The following CYP26B1 variants were observed in gnomAD, a reference collection of about 807,000 sequenced individuals.
CYP26B1 encodes the protein cytochrome P450 family 26 subfamily B member 1, also known as cytochrome P450 26B1.
Under a neutral mutation model 39.1 loss-of-function variants are expected in CYP26B1, and 8 were observed. The ratio of observed to expected loss-of-function variants is 0.20; its 90% CI spans 0.12 to 0.37. The LOEUF (loss-of-function observed/expected upper bound fraction) is 0.37. Among genes scored for constraint, CYP26B1 ranks in the 10% least tolerant of loss-of-function variants. The pLI, the probability that CYP26B1 is intolerant of heterozygous loss-of-function variation, is 1.00. For missense variants in CYP26B1, 615 were observed against 707.0 expected (o/e 0.87, Z 1.48); for synonymous variants, 321 against 314.3 (o/e 1.02, Z -0.23).
intron 2 of CYP26B1, among the ~76,000 whole-genome samples, chr2:72,138,773 G>T (rs116048327): frequency 2.0e-5 from 3 of 152,086 alleles, no homozygotes; most frequent in Admixed American, 1.3e-4. Flanking sequence ...CGCCTTAAGG[G>T]ATGGCCTTGG....
chr2:72,144,490 C>G lies in CYP26B1; in HGVS notation c.205-277G>C, dbSNP rs1022867319. On this transcript the variant is annotated intron_variant, in intron 1 of 5. Coordinates refer to ENST00000001146, the MANE Select transcript of CYP26B1 (RefSeq NM_019885.4). Reference sequence around the variant, plus strand: ...GACTTTCGAGAGGAAAGAGGTATCCCGGACAGCTGGACCCGAAGCGGGAGT... The same window carrying G: ...GACTTTCGAGAGGAAAGAGGTATCCGGGACAGCTGGACCCGAAGCGGGAGT... 10 of 1,226,544 alleles carry G rather than the reference C, an allele frequency of 8.2e-6. No homozygotes were observed. In the South Asian group the frequency reaches 9.9e-5, roughly 12 times the overall value. The allele number at this position is 1,226,544 out of a possible 1,614,324, so 76.0% of individuals were successfully genotyped here.
intron 2 of CYP26B1, among the ~76,000 whole-genome samples, chr2:72,143,371 CG>C (rs575862508): frequency 5.9e-4 from 84 of 143,390 alleles, no homozygotes; most frequent in East Asian, 1.2e-3. Context: ...CTTCCTCTTT[CG>C]GGGGGGGGTG....
At chr2:72,138,730 C>G (rs3754530) in intron 2 of CYP26B1, among the ~76,000 whole-genome samples, 2 of 152,164 alleles carry the variant, frequency 1.3e-5, no homozygotes, top group East Asian at 3.9e-4. Flanking sequence ...CTGCTGCAGC[C>G]CCAGAGGCTC....
intron 2 of CYP26B1, among the ~76,000 whole-genome samples, chr2:72,143,379 G>A (rs1005078306): frequency 5.3e-5 from 8 of 151,958 alleles, no homozygotes; most frequent in Non-Finnish European, 1.2e-4. Flanking sequence ...TTCGGGGGGG[G>A]GTGGGTGCGC....
chr2:72,143,148 A>G (rs1676995362), intron 2 of CYP26B1: 1 of 163,864 alleles, frequency 6.1e-6, no homozygotes, highest in South Asian at 2.1e-4. Flanking sequence ...CCCAGTGGAA[A>G]AAAATGGAGT....
Position 72,147,504 on chromosome 2 carries a change from A to G in CYP26B1, c.204+127T>C. ...AGCCCGGGCTGCTGCGGCAGAGAGG[A>G]GGGAAGGGGCGGGGCGGGGACCAGT... On this transcript the variant is annotated intron_variant, in intron 1 of 5. Transcript: ENST00000001146. This position sits in a 1 kb window ranked among gnomAD's most constrained non-coding sequence, Gnocchi z 6.1. The G allele has an allele frequency of 1.1e-6, 1 of 947,788 alleles. No homozygotes were observed. Among genetic ancestry groups the G allele is most frequent in the South Asian group, 2.0e-5 (1 of 49,270 alleles). The allele number at this position is 947,788 out of a possible 1,614,324, so 58.7% of individuals were successfully genotyped here. A position where few individuals can be genotyped will look rare whatever the true frequency, so the allele number is the denominator to read the frequency against.
intron 2 of CYP26B1, among the ~76,000 whole-genome samples, chr2:72,141,366 C>T (rs1266036358): frequency 2.0e-5 from 3 of 152,194 alleles, no homozygotes; most frequent in Non-Finnish European, 2.9e-5. Context: ...CCCAGGACCA[C>T]CAGGGCAGCC....
At chr2:72,143,371 C>CGTGG in intron 2 of CYP26B1, among the ~76,000 whole-genome samples, 1 of 143,468 alleles carries the variant, frequency 7.0e-6, no homozygotes, top group African/African-American at 2.8e-5. Flanking sequence ...CTTCCTCTTT[C>CGTGG]GGGGGGGGGT....
intron 4 of CYP26B1, among the ~76,000 whole-genome samples, chr2:72,134,557 G>A (rs947282176): frequency 2.6e-5 from 4 of 152,186 alleles, no homozygotes; most frequent in African/African-American, 9.7e-5. Context: ...GGAGAGAAGG[G>A]AGGGTGCCCC....
At position 72,129,439 on chromosome 2, in the gene CYP26B1, G is replaced by A. The variant is rs184521564; in HGVS notation, c.*2788C>T. On this transcript the variant is annotated 3_prime_UTR_variant, in exon 6 of 6. Transcript: ENST00000001146. ...ACAAGTGCTTTTTCAATATTAAAAC[G>A]ACTGTGATAAAAACATATTAATATT... The A allele has an allele frequency of 6.6e-6, 1 of 152,602 alleles. No homozygotes were observed. Among genetic ancestry groups the A allele is most frequent in the Admixed American group, 6.5e-5 (1 of 15,298 alleles). The allele number at this position is 152,602 out of a possible 1,614,324, so 9.5% of individuals were successfully genotyped here.
At chr2:72,134,937 A>G (rs769492293) in intron 3 of CYP26B1, 21 bp from the exon 4 acceptor site, 25 of 1,612,482 alleles carry the variant, frequency 1.6e-5, no homozygotes, top group Admixed American at 1.0e-4. Context: ...GAGGGCTGTC[A>G]CTCATATGGA....
Position 72,132,635 on chromosome 2 carries a change from G to T in CYP26B1, c.1147-16C>A. ...TCTGGAAACCCTGGAGCAAGATGGG[G>T]GCCGAGGAGTGGGTGGTGAGAGCCA... is the stretch of plus-strand genomic sequence containing the variant. On this transcript the variant is annotated splice_polypyrimidine_tract_variant and intron_variant, in intron 5 of 5. Coordinates refer to ENST00000001146, the MANE Select transcript of CYP26B1 (RefSeq NM_019885.4). The T allele has an allele frequency of 1.3e-6, 2 of 1,586,288 alleles. No individual in the cohort carries two copies. The highest frequency in any genetic ancestry group is 1.1e-5 in the South Asian group (1 of 87,498).
chr2:72,147,562 C>A lies in CYP26B1; in HGVS notation c.204+69G>T. On this transcript the variant is annotated intron_variant, in intron 1 of 5. Transcript: ENST00000001146. This position sits in a 1 kb window ranked among gnomAD's most constrained non-coding sequence, Gnocchi z 6.1. ...GGCTCCCGGCGCCCCCTGGCCGGCC[C>A]GCCGCTCCGTCTGCCCCGCGCTCGC... 6.8e-7 allele frequency: 1 copy of A among 1,471,786 alleles called. No individual in the cohort carries two copies. Among genetic ancestry groups the A allele is most frequent in the South Asian group, 1.3e-5 (1 of 77,294 alleles). The allele number at this position is 1,471,786 out of a possible 1,614,324, so 91.2% of individuals were successfully genotyped here.
Position 72,129,397 on chromosome 2 carries a change from A to G in CYP26B1, c.*2830T>C, listed in dbSNP as rs780060238. 5 of 152,680 alleles carry G rather than the reference A, an allele frequency of 3.3e-5. No individual in the cohort carries two copies. The highest frequency in any genetic ancestry group is 5.9e-5 in the Non-Finnish European group (4 of 68,050). The allele number at this position is 152,680 out of a possible 1,614,324, so 9.5% of individuals were successfully genotyped here. On this transcript the variant is annotated 3_prime_UTR_variant, in exon 6 of 6. Transcript: ENST00000001146. ...AAAACACTCACACGGTACCAGTTTC[A>G]TATCAAAACAAAACACACAAGTGCT...
chr2:72,141,312 C>A (rs1676936651), intron 2 of CYP26B1, among the ~76,000 whole-genome samples: 1 of 152,172 alleles, frequency 6.6e-6, no homozygotes, highest in African/African-American at 2.4e-5. Flanking sequence ...TTAGACTGGG[C>A]AAGACTTTCT....
At chr2:72,146,749 C>G (rs1490906017) in intron 1 of CYP26B1, among the ~76,000 whole-genome samples, 1 of 152,224 alleles carries the variant, frequency 6.6e-6, no homozygotes, top group African/African-American at 2.4e-5. Flanking sequence ...CTCCCCCACC[C>G]CAAGAAGAAA....
At chr2:72,139,501 C>T (rs1160194728) in intron 2 of CYP26B1, among the ~76,000 whole-genome samples, 1 of 152,180 alleles carries the variant, frequency 6.6e-6, no homozygotes, top group Non-Finnish European at 1.5e-5. Flanking sequence ...CCCAGACCCC[C>T]AACAGGCTCC....
intron 4 of CYP26B1, among the ~76,000 whole-genome samples, chr2:72,134,451 T>C (rs1676696126): frequency 6.6e-6 from 1 of 152,166 alleles, no homozygotes; most frequent in Admixed American, 6.5e-5. Context: ...GGTTTCCCCT[T>C]GTGGGCCTGC....
intron 2 of CYP26B1, among the ~76,000 whole-genome samples, chr2:72,137,105 T>C (rs1413799738): frequency 6.6e-6 from 1 of 151,764 alleles, no homozygotes; most frequent in Non-Finnish European, 1.5e-5. Flanking sequence ...CTACTAGGGG[T>C]TCTGTCACGA....
Sources: allele counts gnomAD v4.1 joint callset (sites outside exome capture counted in the v4.1 genomes callset), GRCh38; gene constraint gnomAD v4.1.1; non-coding constraint Gnocchi (gnomAD v3.1); transcripts MANE v1.5; gene names NCBI Gene and HGNC (gene_info 2026-07-23, HGNC 2026-07-21).